Variants in IDE observed in about 807,000 individuals in gnomAD.
IDE encodes insulin degrading enzyme, also known as insulin-degrading enzyme.
In IDE, 58 loss-of-function variants were observed where a neutral mutation model predicts 133.2. The observed-to-expected ratio is 0.44, with a 90% confidence interval of 0.35 to 0.54. IDE has a LOEUF of 0.54. IDE is among the 20% of genes least tolerant of loss of function. IDE has a pLI of 0.00. For synonymous variants in IDE, 396 were observed against 421.3 expected, an observed-to-expected ratio of 0.94 and a Z score of 0.73; for missense variants, 981 against 1,234.0, an observed-to-expected ratio of 0.79 and a Z score of 3.07.
chr10:92,574,079 C>A lies in IDE; in HGVS notation c.-60G>T. 7.6e-7 allele frequency: 1 copy of A among 1,307,942 alleles called. No individual in the cohort carries two copies. Among genetic ancestry groups the A allele is most frequent in the Non-Finnish European group, 1.0e-6 (1 of 967,122 alleles). 81.0% of individuals were successfully genotyped at this position (1,307,942 alleles called of 1,614,324 possible). On this transcript the variant is annotated 5_prime_UTR_variant, in exon 1 of 25. In the 5' UTR this introduces an upstream ATG that the reference lacks. Transcript: ENST00000265986. ...TTCCTGCTTGCGCTTCGAGCCGGCC[C>A]TGCGCACTGCGCATGCTCTAGCCGC...
In IDE at chr10:92,515,378, G is replaced by A. The variant is rs1031104538; in HGVS notation, c.662-336C>T. On this transcript the variant is annotated intron_variant, in intron 4 of 24. Transcript: ENST00000265986. ...GGGTTCACGCCATTCTCCTGCCTCA[G>A]CCTCCCAAGTAGCTGGGACTACAGG... is the stretch of plus-strand genomic sequence containing the variant. Among the ~76,000 whole-genome samples, 4 of 149,894 alleles carry A rather than the reference G, an allele frequency of 2.7e-5. No individual in the cohort carries two copies. In the Admixed American group the frequency reaches 2.7e-4, roughly 10 times the overall value.
chr10:92,487,225 C>G lies in IDE; in HGVS notation c.1627G>C (p.Glu543Gln). 6.2e-7 allele frequency: 1 copy of G among 1,613,424 alleles called. No homozygotes were observed. Among genetic ancestry groups the G allele is most frequent in the Non-Finnish European group, 8.5e-7 (1 of 1,179,726 alleles). ...TNFEILPLEKEATPYPALIKD... is the reference protein window; with the variant it reads ...TNFEILPLEKQATPYPALIKD... ...ATAAGAGCAGGGTATGGTGTCGCCT[C>G]TTTTTCTAACGGTAAAATCTCAAAA... Residue 543 changes from glutamate (E) to glutamine (Q), a missense_variant, in exon 13 of 25, where the codon GAG becomes CAG. Glu to Gln is a conservative substitution (Grantham distance 29). Transcript: ENST00000265986.
In IDE at chr10:92,454,541, T is replaced by C; in HGVS notation, c.2965-2A>G. The C allele has an allele frequency of 6.2e-7, 1 of 1,612,164 alleles. No individual in the cohort carries two copies. The highest frequency in any genetic ancestry group is 8.5e-7 in the Non-Finnish European group (1 of 1,178,348). Reference sequence around the variant, plus strand: ...GGTCATGTTCTGAATCACTTCAGGCTGCAAAGAAAAAAGTTTCCTTTTAGT... The same window carrying C: ...GGTCATGTTCTGAATCACTTCAGGCCGCAAAGAAAAAAGTTTCCTTTTAGT... On this transcript the variant is annotated splice_acceptor_variant, in intron 24 of 24. Coordinates refer to ENST00000265986, the MANE Select transcript of IDE (RefSeq NM_004969.4). LOFTEE classifies it high-confidence loss of function.
intron 11 of IDE, among the ~76,000 whole-genome samples, chr10:92,500,754 ATT>A (rs761997179): frequency 1.4e-5 from 2 of 143,848 alleles, no homozygotes; most frequent in Non-Finnish European, 1.5e-5. Flanking sequence ...ACATTTGGTG[ATT>A]TTTTTTTTTT....
chr10:92,499,298 C>T (rs1319937458), intron 11 of IDE, among the ~76,000 whole-genome samples: 2 of 152,048 alleles, frequency 1.3e-5, no homozygotes, highest in African/African-American at 2.4e-5. Flanking sequence ...ATTCTCCTGC[C>T]TCAGCCTCCC....
At chr10:92,549,510 G>T (rs554606255) in intron 1 of IDE, among the ~76,000 whole-genome samples, 76 of 152,144 alleles carry the variant, frequency 5.0e-4, no homozygotes, top group African/African-American at 1.8e-3. Context: ...TTTACATAAA[G>T]AGAGGAGAAA....
intron 11 of IDE, among the ~76,000 whole-genome samples, chr10:92,491,848 T>C (rs556095435): frequency 5.3e-5 from 8 of 151,196 alleles, no homozygotes; most frequent in African/African-American, 1.9e-4. Flanking sequence ...TGACCTCAGG[T>C]GATCCGCCTG....
rs140919203 is a variant in IDE at position 92,519,962 on chromosome 10, G to C, written c.662-4920C>G. Among the ~76,000 whole-genome samples the C allele has an allele frequency of 4.8e-3, 729 of 152,260 alleles. 7 individuals are homozygous for C. The highest frequency in any genetic ancestry group is 0.017 in the African/African-American group (692 of 41,542). ...CTACTAAAAATACAAAAATTAGCCA[G>C]GCATGGTGGTGGTCACCTGTAGTCC... On this transcript the variant is annotated intron_variant, in intron 4 of 24. Transcript: ENST00000265986.
chr10:92,561,457 A>C (rs1225700163), intron 1 of IDE, among the ~76,000 whole-genome samples: 1 of 150,016 alleles, frequency 6.7e-6, no homozygotes, highest in Non-Finnish European at 1.5e-5. Context: ...CAAGGATCAA[A>C]TAAGATGATG....
chr10:92,511,652 G>A (rs913498575), intron 5 of IDE, among the ~76,000 whole-genome samples: 1 of 151,612 alleles, frequency 6.6e-6, no homozygotes, highest in African/African-American at 2.4e-5. Flanking sequence ...TTAAGTGTAG[G>A]CATTTGCATT....
chr10:92,533,759 C>T (rs2135681068), intron 3 of IDE, among the ~76,000 whole-genome samples: 1 of 150,496 alleles, frequency 6.6e-6, no homozygotes, highest in South Asian at 2.1e-4. Context: ...CGCAGTGGCT[C>T]ATGCCTGTAA....
At chr10:92,517,341 T>C (rs1184377705) in intron 4 of IDE, among the ~76,000 whole-genome samples, 1 of 152,186 alleles carries the variant, frequency 6.6e-6, no homozygotes, top group African/African-American at 2.4e-5. Flanking sequence ...ATTAACCTTT[T>C]CCTAGTCACA....
intron 11 of IDE, among the ~76,000 whole-genome samples, chr10:92,502,683 G>A (rs781173408): frequency 7.9e-5 from 12 of 152,130 alleles, no homozygotes; most frequent in Middle Eastern, 3.2e-3. Context: ...AACATATTAC[G>A]TTATACAAAT....
At chr10:92,510,632 TATATATATCACATATATGATATATATCAC>T (rs1564635085) in intron 5 of IDE, among the ~76,000 whole-genome samples, 20 of 150,878 alleles carry the variant, frequency 1.3e-4, no homozygotes, top group Middle Eastern at 3.2e-3. Flanking sequence ...TGTGTGTGTA[TATATATATCACATATATGATATATATCAC>T]ATACATCTCA....
chr10:92,556,920 C>T (rs1294574085), intron 1 of IDE, among the ~76,000 whole-genome samples: 1 of 127,116 alleles, frequency 7.9e-6, no homozygotes, highest in East Asian at 2.2e-4. Flanking sequence ...GAGACTCCGC[C>T]TCAAAAAAAA....
rs542222525 is a variant in IDE at position 92,454,284 on chromosome 10, A to G, written c.*160T>C. On this transcript the variant is annotated 3_prime_UTR_variant, in exon 25 of 25. Coordinates refer to ENST00000265986, the MANE Select transcript of IDE (RefSeq NM_004969.4). ...CTACATCTATAAGATTTTGTAATTT[A>G]CTTTGGATTTATAATATTTCTACAT... 5.0e-5 allele frequency: 27 copies of G among 543,220 alleles called. 1 individual carries two copies. In the South Asian group the frequency reaches 7.8e-4, roughly 16 times the overall value. The allele number at this position is 543,220 out of a possible 1,614,324, so 33.6% of individuals were successfully genotyped here.
intron 22 of IDE, 146 bp from the exon 23 acceptor site, chr10:92,456,577 G>T (rs900241638): frequency 7.6e-6 from 5 of 657,874 alleles, no homozygotes; most frequent in African/African-American, 7.2e-5. Flanking sequence ...AGTGGCTCAT[G>T]CCTGTAATCC....
At chr10:92,570,347 T>G (rs1224598014) in intron 1 of IDE, among the ~76,000 whole-genome samples, 1 of 152,208 alleles carries the variant, frequency 6.6e-6, no homozygotes, top group East Asian at 1.9e-4. Flanking sequence ...AGGACAAGAT[T>G]TATGGTTATC....
chr10:92,489,105 G>A (rs1377927524), intron 12 of IDE, among the ~76,000 whole-genome samples: 2 of 151,912 alleles, frequency 1.3e-5, no homozygotes, highest in African/African-American at 2.4e-5. Context: ...CAGATTTTAC[G>A]GTTCTTAGTT....
Sources: allele counts gnomAD v4.1 joint callset (sites outside exome capture counted in the v4.1 genomes callset), GRCh38; gene constraint gnomAD v4.1.1; transcripts MANE v1.5; gene names NCBI Gene and HGNC (gene_info 2026-07-23, HGNC 2026-07-21).